The following KDM4C variants were observed in gnomAD, a reference collection of about 807,000 sequenced individuals.
KDM4C encodes the protein lysine demethylase 4C, also known as lysine-specific demethylase 4C.
A neutral mutation model predicts 129.3 loss-of-function variants in KDM4C; 81 were observed. That is an observed-to-expected ratio of 0.63 (90% CI 0.52 to 0.75). The LOEUF (loss-of-function observed/expected upper bound fraction) is 0.75, where lower values mean the gene tolerates loss of function less well. Ranked by LOEUF, KDM4C falls within the 30% of genes least tolerant of loss-of-function variation. The probability of loss-of-function intolerance (pLI) is 0.00; values close to 1 mark genes in which losing one functional copy is unlikely to be tolerated. For missense variants in KDM4C, 1,457 were observed against 1,304.0 expected (o/e 1.12, Z -1.81); for synonymous variants, 573 against 456.1 (o/e 1.26, Z -3.26).
intron 12 of KDM4C, among the ~76,000 whole-genome samples, chr9:7,004,022 T>C (rs1165781065): frequency 6.6e-6 from 1 of 152,098 alleles, no homozygotes; most frequent in Non-Finnish European, 1.5e-5. Context: ...CTTTTCATAG[T>C]AGAGAATGGT....
chr9:6,989,479 G>C (rs918852783), intron 11 of KDM4C, among the ~76,000 whole-genome samples: 1 of 152,020 alleles, frequency 6.6e-6, no homozygotes, highest in Non-Finnish European at 1.5e-5. Context: ...CTTTCTACCC[G>C]GGAAAGGAAT....
At chr9:7,139,498 A>G (rs1277080108) in intron 19 of KDM4C, among the ~76,000 whole-genome samples, 4 of 152,316 alleles carry the variant, frequency 2.6e-5, no homozygotes, top group South Asian at 2.1e-4. Flanking sequence ...TAAGAGAACT[A>G]TGGAAAGAAT....
At chr9:6,864,404 C>T (rs1303917519) in intron 5 of KDM4C, among the ~76,000 whole-genome samples, 1 of 152,154 alleles carries the variant, frequency 6.6e-6, no homozygotes, top group Non-Finnish European at 1.5e-5. Context: ...TATGTCATTG[C>T]TTCTTTTCTC....
At chr9:6,829,399 C>T (rs896752562) in intron 4 of KDM4C, among the ~76,000 whole-genome samples, 3 of 152,140 alleles carry the variant, frequency 2.0e-5, no homozygotes, top group East Asian at 3.8e-4. Flanking sequence ...AGTGAGAATT[C>T]AGTGAGAATT....
chr9:6,996,206 C>G lies in KDM4C; in HGVS notation c.1786+5682C>G, dbSNP rs550529082. On this transcript the variant is annotated intron_variant, in intron 12 of 21. Coordinates refer to ENST00000381309, the MANE Select transcript of KDM4C (RefSeq NM_015061.6). ...AAATGTTTTAAGCCATGGCAAGCTT[C>G]TTCTCACTAGCATTCTTATCAGCAG... Among the ~76,000 whole-genome samples, 3 of 152,342 alleles carry G rather than the reference C, an allele frequency of 2.0e-5. No individual in the cohort carries two copies. In the South Asian group the frequency reaches 6.2e-4, roughly 32 times the overall value.
At chr9:6,884,137 G>A (rs763222244) in intron 6 of KDM4C, among the ~76,000 whole-genome samples, 1 of 152,106 alleles carries the variant, frequency 6.6e-6, no homozygotes, top group Admixed American at 6.5e-5. Context: ...CTCCTGGAGC[G>A]CTCTGCTGGT....
At position 6,883,856 on chromosome 9, in the gene KDM4C, T is replaced by A. The variant is rs559537141; in HGVS notation, c.679+3795T>A. ...AGTCCTTGGTGACTTGTGCGTAGAT[T>A]ATCCATGGATATTTCAAGGGGGTGG... On this transcript the variant is annotated intron_variant, in intron 6 of 21. Coordinates refer to ENST00000381309, the MANE Select transcript of KDM4C (RefSeq NM_015061.6). 2.1e-4 allele frequency among the ~76,000 whole-genome samples: 32 copies of A among 152,214 alleles called. 1 individual carries two copies. The highest frequency in any genetic ancestry group is 7.0e-4 in the African/African-American group (29 of 41,538).
At chr9:7,013,063 A>G (rs1167887856) in intron 13 of KDM4C, among the ~76,000 whole-genome samples, 1 of 152,070 alleles carries the variant, frequency 6.6e-6, no homozygotes, top group African/African-American at 2.4e-5. Flanking sequence ...CTGGGTTTTA[A>G]CTACTTATTG....
intron 2 of KDM4C, among the ~76,000 whole-genome samples, chr9:6,798,784 C>T (rs76801932): frequency 0.17 from 25,645 of 151,554 alleles, 1,891 homozygotes; most frequent in South Asian, 0.2. Flanking sequence ...GGTGGCCGGG[C>T]AGAGGGGCTC....
At chr9:6,914,250 G>C (rs1474343285) in intron 8 of KDM4C, among the ~76,000 whole-genome samples, 1 of 152,020 alleles carries the variant, frequency 6.6e-6, no homozygotes, top group Non-Finnish European at 1.5e-5. Context: ...GTAGAGACAG[G>C]GTTTCTCCGT....
chr9:6,759,570 C>T (rs1818969610), intron 1 of KDM4C, among the ~76,000 whole-genome samples: 1 of 152,162 alleles, frequency 6.6e-6, no homozygotes, highest in Admixed American at 6.6e-5. Flanking sequence ...ATAAGCTTTA[C>T]AGTATCCCGC....
intron 5 of KDM4C, among the ~76,000 whole-genome samples, chr9:6,857,647 G>T (rs902388043): frequency 6.6e-6 from 1 of 151,974 alleles, no homozygotes; most frequent in Admixed American, 6.6e-5. Context: ...GATTGTTACC[G>T]ATCAAGTTTA....
At chr9:6,880,140 T>G (rs1844211520) in intron 6 of KDM4C, 79 bp downstream of exon 6, 1 of 838,128 alleles carries the variant, frequency 1.2e-6, no homozygotes, top group South Asian at 1.6e-5. Context: ...TTGAGGTACT[T>G]TTTACAATAT....
chr9:6,902,320 A>G (rs1259469461), intron 8 of KDM4C, among the ~76,000 whole-genome samples: 2 of 152,168 alleles, frequency 1.3e-5, no homozygotes, highest in Non-Finnish European at 1.5e-5. Context: ...AGAGTGTTGG[A>G]AAAGAAATAG....
chr9:6,761,417 C>G (rs1056041463), intron 1 of KDM4C, among the ~76,000 whole-genome samples: 5 of 151,360 alleles, frequency 3.3e-5, no homozygotes, highest in East Asian at 3.9e-4. Context: ...TCACTGTAAC[C>G]TCTCTGTCTG....
chr9:6,723,047 T>G (rs915817090), intron 1 of KDM4C, among the ~76,000 whole-genome samples: 2 of 152,002 alleles, frequency 1.3e-5, no homozygotes, highest in Non-Finnish European at 2.9e-5. Context: ...AGCAAGAGAT[T>G]TACAGTGGTA....
At chr9:6,754,223 T>G (rs112132525), upstream of KDM4C, among the ~76,000 whole-genome samples, 1,594 of 151,868 alleles carry the variant, frequency 0.01, 25 homozygotes, top group African/African-American at 0.036. Context: ...TTTTCTTTTT[T>G]TTTTCTGAGA....
rs1158199897 is a variant in KDM4C, at chr9:6,944,652, G to GTTTTTTTTTTTTTTTTTTTTT, written c.922-36271_922-36251dup. 2.6e-4 allele frequency among the ~76,000 whole-genome samples: 21 copies of GTTTTTTTTTTTTTTTTTTTTT among 80,992 alleles called. 5 individuals are homozygous for GTTTTTTTTTTTTTTTTTTTTT. The highest frequency in any genetic ancestry group is 3.6e-4 in the Admixed American group (2 of 5,578). The allele number at this position is 80,992 out of a possible 152,430, so 53.1% of individuals were successfully genotyped here. On this transcript the variant is annotated intron_variant, in intron 8 of 21. Transcript: ENST00000381309. ...CAACACACTTTTTGTCAAGGTAGAGGTTTTTTTTTTTTTTTTTTTTTTGCC... is the reference window on the plus strand; with the variant it reads ...CAACACACTTTTTGTCAAGGTAGAGGTTTTTTTTTTTTTTTTTTTTTTTTTTTTTTTTTTTTTTTTTTTGCC...
At chr9:6,842,392 C>A (rs899298113) in intron 4 of KDM4C, among the ~76,000 whole-genome samples, 1 of 143,470 alleles carries the variant, frequency 7.0e-6, no homozygotes, top group Non-Finnish European at 1.5e-5. Flanking sequence ...GATCATGGCT[C>A]ACTGCAACCT....
Sources: allele counts gnomAD v4.1 joint callset (sites outside exome capture counted in the v4.1 genomes callset), GRCh38; gene constraint gnomAD v4.1.1; transcripts MANE v1.5; gene names NCBI Gene and HGNC (gene_info 2026-07-23, HGNC 2026-07-21).